MAP2K3: variants seen among roughly 807,000 people sequenced by gnomAD.
The protein encoded by MAP2K3 is mitogen-activated protein kinase kinase 3.
MAP2K3 carries 30 observed loss-of-function variants against 46.4 expected under a neutral mutation model. The observed-to-expected ratio is 0.65, with a 90% confidence interval of 0.48 to 0.88. MAP2K3 has a LOEUF of 0.88. Among genes scored for constraint, MAP2K3 ranks in the 40% least tolerant of loss-of-function variants. The pLI, the probability that MAP2K3 is intolerant of heterozygous loss-of-function variation, is 0.00. For synonymous variants in MAP2K3, 189 were observed against 176.3 expected, an observed-to-expected ratio of 1.07 and a Z score of -0.57; for missense variants, 380 against 464.5, an observed-to-expected ratio of 0.82 and a Z score of 1.67.
chr17:21,298,770 C>T, intron 2 of MAP2K3, 108 bp from the exon 3 acceptor site: 1 of 1,535,386 alleles, frequency 6.5e-7, no homozygotes, highest in Non-Finnish European at 9.0e-7. Flanking sequence ...GCCTCCGGGG[C>T]AGGAGGCACC....
chr17:21,292,491 G>A (rs1367280805), intron 1 of MAP2K3, among the ~76,000 whole-genome samples: 2 of 152,292 alleles, frequency 1.3e-5, no homozygotes, highest in African/African-American at 4.8e-5. Flanking sequence ...CAGGTAACTG[G>A]GACTACAGGC....
At chr17:21,286,176 C>T (rs569913513) in intron 1 of MAP2K3, among the ~76,000 whole-genome samples, 1 of 152,324 alleles carries the variant, frequency 6.6e-6, no homozygotes, top group East Asian at 1.9e-4. Context: ...GTTCTCTCAG[C>T]GTAGCACCTG....
At position 21,284,845 on chromosome 17, in the gene MAP2K3, A is replaced by G; in HGVS notation, c.-76A>G. 1 of 1,518,340 alleles carries G rather than the reference A, an allele frequency of 6.6e-7. No homozygotes were observed. Among genetic ancestry groups the G allele is most frequent in the Non-Finnish European group, 8.9e-7 (1 of 1,119,922 alleles). The allele number at this position is 1,518,340 out of a possible 1,614,324, so 94.1% of individuals were successfully genotyped here. ...TGGCCTGGGCCGTCTGCCCGCAGCCATGAGCGTGCTCGGCCCCGGTGGAGC... is the reference window on the plus strand; with the variant it reads ...TGGCCTGGGCCGTCTGCCCGCAGCCGTGAGCGTGCTCGGCCCCGGTGGAGC... On this transcript the variant is annotated 5_prime_UTR_variant, in exon 1 of 12. The change abolishes an upstream ATG in the 5' untranslated region. Coordinates refer to ENST00000342679, the MANE Select transcript of MAP2K3 (RefSeq NM_145109.3).
chr17:21,303,263 G>A (rs771741300), intron 7 of MAP2K3, 29 bp downstream of exon 7: 1 of 1,613,458 alleles, frequency 6.2e-7, no homozygotes, highest in Non-Finnish European at 8.5e-7. Context: ...CCCAGGCACG[G>A]TGTAGCCAGT....
chr17:21,305,778 C>T (rs963670209), intron 9 of MAP2K3, among the ~76,000 whole-genome samples: 1 of 152,302 alleles, frequency 6.6e-6, no homozygotes, highest in African/African-American at 2.4e-5. Context: ...GGAAGACCAC[C>T]AGGATGTGTC....
At chr17:21,301,527 CAA>C (rs1172476817) in intron 5 of MAP2K3, among the ~76,000 whole-genome samples, 2 of 152,312 alleles carry the variant, frequency 1.3e-5, no homozygotes, top group African/African-American at 4.8e-5. Context: ...ACTTGCCCCT[CAA>C]AGAGCTGTGG....
In MAP2K3 at chr17:21,294,901, T is replaced by G. The variant is rs573014442; in HGVS notation, c.50-3512T>G. Among the ~76,000 whole-genome samples, 12 of 152,424 alleles carry G rather than the reference T, an allele frequency of 7.9e-5. No homozygotes were observed. The South Asian group carries it at 2.5e-3, about 32-fold the overall frequency. ...AGCTAGGAAGGGGCAGAGTTGCAGT[T>G]GAGCCCAGGCCTTGGCTCCAGAGTG... On this transcript the variant is annotated intron_variant, in intron 1 of 11. Transcript: ENST00000342679.
At position 21,314,274 on chromosome 17, in the gene MAP2K3, G is replaced by A. The variant is rs2363374; in HGVS notation, c.*44G>A. 7.8e-6 allele frequency: 12 copies of A among 1,533,010 alleles called. No individual in the cohort carries two copies. Among genetic ancestry groups the A allele is most frequent in the Non-Finnish European group, 1.1e-5 (12 of 1,108,172 alleles). The allele number at this position is 1,533,010 out of a possible 1,614,324, so 95.0% of individuals were successfully genotyped here. On this transcript the variant is annotated 3_prime_UTR_variant, in exon 12 of 12. Transcript: ENST00000342679. ...CACTCCGGCCCTCCAGAGCCCCACA[G>A]CCCCATCTGCGGGGGCAGTGCTCAC...
chr17:21,291,320 A>ATACAG lies in MAP2K3; in HGVS notation c.49+6355_49+6356insGTACA. 2.0e-5 allele frequency: 3 copies of ATACAG among 149,334 alleles called. No individual in the cohort carries two copies. The South Asian group carries it at 2.4e-4, about 12-fold the overall frequency. 9.3% of individuals were successfully genotyped at this position (149,334 alleles called of 1,614,324 possible). A position where few individuals can be genotyped will look rare whatever the true frequency, so the allele number is the denominator to read the frequency against. On this transcript the variant is annotated intron_variant, in intron 1 of 11. Coordinates refer to ENST00000342679, the MANE Select transcript of MAP2K3 (RefSeq NM_145109.3). The stretch of plus-strand genomic sequence containing the variant: ...ATACAATAGAATACAATACAATAGA[A>ATACAG]TACAATAGAATACAGTACAATACAA...
At chr17:21,291,486 G>C (rs1235470657) in intron 1 of MAP2K3, 2 of 456,360 alleles carry the variant, frequency 4.4e-6, no homozygotes, top group African/African-American at 4.0e-5. Flanking sequence ...CAATGGCCTT[G>C]CTGACCTCGA....
intron 1 of MAP2K3, among the ~76,000 whole-genome samples, chr17:21,286,042 C>G (rs1975713902): frequency 6.6e-6 from 1 of 152,176 alleles, no homozygotes; most frequent in Admixed American, 6.5e-5. Context: ...GCTGCTTCAC[C>G]CCAGCAAGCT....
intron 3 of MAP2K3, among the ~76,000 whole-genome samples, chr17:21,299,363 C>T (rs534720683): frequency 6.6e-6 from 1 of 152,428 alleles, no homozygotes; most frequent in African/African-American, 2.4e-5. Context: ...AGGGACCGTG[C>T]TATGCCCCGT....
At chr17:21,290,397 T>A (rs564294032) in intron 1 of MAP2K3, among the ~76,000 whole-genome samples, 80 of 152,386 alleles carry the variant, frequency 5.2e-4, no homozygotes, top group South Asian at 3.5e-3. Flanking sequence ...GCCGTTGGCA[T>A]GGCACACGGC....
chr17:21,312,918 C>CAAA (rs113429381), intron 10 of MAP2K3, among the ~76,000 whole-genome samples: 17,889 of 119,514 alleles, frequency 0.15, 1,431 homozygotes, highest in South Asian at 0.28. Context: ...GAGACTGTCT[C>CAAA]AAAAAAAAAA....
At chr17:21,314,013 G>A (rs748542798) in intron 11 of MAP2K3, 134 bp from the exon 12 acceptor site, 9 of 711,096 alleles carry the variant, frequency 1.3e-5, no homozygotes, top group Non-Finnish European at 2.3e-5. Context: ...GGCCTCCTGG[G>A]GGTGGAGGTC....
chr17:21,302,862 G>A (rs990120664), intron 6 of MAP2K3, among the ~76,000 whole-genome samples: 69 of 152,408 alleles, frequency 4.5e-4, no homozygotes, highest in Non-Finnish European at 5.9e-4. Context: ...GCTCTGCCAC[G>A]GGAGGGGAGA....
chr17:21,302,426 C>A (rs1284314357), intron 6 of MAP2K3, among the ~76,000 whole-genome samples, 167 bp downstream of exon 6: 3 of 152,312 alleles, frequency 2.0e-5, no homozygotes, highest in African/African-American at 7.2e-5. Flanking sequence ...CTCCTCCACC[C>A]CAGACCAGAG....
chr17:21,300,849 T>G (rs745673507), intron 4 of MAP2K3, 25 bp from the exon 5 acceptor site: 1 of 1,613,934 alleles, frequency 6.2e-7, no homozygotes, highest in South Asian at 1.1e-5. Context: ...CACGGCAACC[T>G]CTGAATGGCA....
chr17:21,303,153 T>C (rs755035077), intron 6 of MAP2K3, 30 bp from the exon 7 acceptor site: 2 of 1,614,086 alleles, frequency 1.2e-6, no homozygotes, highest in Admixed American at 1.7e-5. Context: ...CAGAGTCCTG[T>C]CTCTTCCCTC....
Sources: allele counts gnomAD v4.1 joint callset (sites outside exome capture counted in the v4.1 genomes callset), GRCh38; gene constraint gnomAD v4.1.1; transcripts MANE v1.5; gene names NCBI Gene and HGNC (gene_info 2026-07-23, HGNC 2026-07-21).